SYNE1: variants seen among roughly 807,000 people sequenced by gnomAD.
The protein encoded by SYNE1 is spectrin repeat containing nuclear envelope protein 1, also known as nesprin-1.
SYNE1 carries 616 observed loss-of-function variants against 1,111.0 expected under a neutral mutation model. That is an observed-to-expected ratio of 0.55 (90% CI 0.52 to 0.59). The LOEUF is 0.59. Ranked by LOEUF, SYNE1 falls within the 20% of genes least tolerant of loss-of-function variation. SYNE1 has a pLI of 0.00. For missense variants in SYNE1, 10,006 were observed against 10,417.0 expected (o/e 0.96, Z 1.72); for synonymous variants, 3,855 against 3,825.8 (o/e 1.01, Z -0.28).
In SYNE1 at chr6:152,398,737, G is replaced by T; in HGVS notation, c.7238-6C>A. ...TTGGAATTCCTGCATAGACTCTTTT[G>T]AAAGAAAAAATAAATAAATAAAAAT... On this transcript the variant is annotated splice_polypyrimidine_tract_variant and splice_region_variant and intron_variant, in intron 48 of 145. Transcript: ENST00000367255. The T allele has an allele frequency of 6.2e-7, 1 of 1,603,888 alleles. No homozygotes were observed. The highest frequency in any genetic ancestry group is 1.1e-5 in the South Asian group (1 of 89,360).
chr6:152,411,075 A>C (rs992300984), intron 42 of SYNE1, among the ~76,000 whole-genome samples: 29 of 152,242 alleles, frequency 1.9e-4, no homozygotes, highest in African/African-American at 6.8e-4. Flanking sequence ...ATTTTGTTTA[A>C]TAGGTCTTTG....
chr6:152,511,631 T>A lies in SYNE1; in HGVS notation c.310-528A>T, dbSNP rs1369252621. On this transcript the variant is annotated intron_variant, in intron 6 of 145. Transcript: ENST00000367255. ...AAAGGGAGAAGATAATAGATATACA[T>A]AAATCATCTTTCAAAATCAGCATTA... is the stretch of plus-strand genomic sequence containing the variant. The A allele has an allele frequency of 1.9e-6, 3 of 1,592,796 alleles. No homozygotes were observed. In the African/African-American group the frequency reaches 4.0e-5, roughly 21 times the overall value.
At chr6:152,482,193 C>T (rs190379380) in intron 14 of SYNE1, among the ~76,000 whole-genome samples, 2 of 152,218 alleles carry the variant, frequency 1.3e-5, no homozygotes, top group East Asian at 1.9e-4. Flanking sequence ...CATCACATCT[C>T]TGTGTCTCTG....
In SYNE1 at chr6:152,425,538, T is replaced by G; in HGVS notation, c.5110A>C (p.Asn1704His). 6.2e-7 allele frequency: 1 copy of G among 1,614,150 alleles called. No individual in the cohort carries two copies. The highest frequency in any genetic ancestry group is 8.5e-7 in the Non-Finnish European group (1 of 1,180,016). Residue 1704 changes from asparagine (N) to histidine (H), a missense_variant, in exon 39 of 146, where the codon AAT (asparagine) becomes CAT (histidine). Asn to His is a moderately conservative substitution (Grantham distance 68, BLOSUM62 1). Coordinates refer to ENST00000367255, the MANE Select transcript of SYNE1 (RefSeq NM_182961.4). ...GELQLIQALQ[N>H]EVVSQASFYS... is the part of the protein sequence containing the mutation. ...AATGAGGCCTGGGATACAACTTCAT[T>G]TTGCAGTGCCTGAAAAATACAAGAC...
At chr6:152,291,270 G>T (rs148872992) in intron 95 of SYNE1, among the ~76,000 whole-genome samples, 9 of 136,172 alleles carry the variant, frequency 6.6e-5, no homozygotes, top group Non-Finnish European at 1.2e-4. Flanking sequence ...ATTAATATAT[G>T]CAATTATATT....
chr6:152,301,991 T>C lies in SYNE1; in HGVS notation c.17419A>G (p.Met5807Val), dbSNP rs763218931. Residue 5807 changes from methionine to valine, a missense_variant, in exon 92 of 146, where the codon ATG becomes GTG. Physicochemically the swap from Met to Val is conservative, Grantham distance 21. Around this residue, in one of 7 missense-constraint regions of SYNE1, gnomAD observed 4,955 missense variants for 5,017.2 expected, o/e 0.99. Transcript: ENST00000367255. ...SLNSKCKMLT[M>V]KAKHATMLLT... ...AGCATGGTGGCGTGCTTGGCTTTCA[T>C]CGTCAGCATCTTGCACTTGGAATTC... 23 of 1,614,256 alleles carry C rather than the reference T, an allele frequency of 1.4e-5. No individual in the cohort carries two copies. In the South Asian group the frequency reaches 2.4e-4, roughly 17 times the overall value.
intron 95 of SYNE1, among the ~76,000 whole-genome samples, chr6:152,287,232 C>G (rs182763760): frequency 5.3e-5 from 8 of 152,016 alleles, no homozygotes. Context: ...ACCACATAAA[C>G]TTAATTTTCA....
intron 98 of SYNE1, among the ~76,000 whole-genome samples, chr6:152,275,864 G>A (rs1317698009): frequency 6.8e-6 from 1 of 146,512 alleles, no homozygotes; most frequent in African/African-American, 2.5e-5. Flanking sequence ...CTGGGTGACA[G>A]AGCAAGACCC....
At chr6:152,588,806 AC>A (rs1372526877) in intron 3 of SYNE1, among the ~76,000 whole-genome samples, 1 of 152,160 alleles carries the variant, frequency 6.6e-6, no homozygotes, top group East Asian at 1.9e-4. Flanking sequence ...TGGTAGGGAC[AC>A]CCTGCAAAGG....
intron 4 of SYNE1, among the ~76,000 whole-genome samples, chr6:152,529,528 G>A (rs182669292): frequency 3.0e-4 from 45 of 152,328 alleles, no homozygotes; most frequent in African/African-American, 9.4e-4. Flanking sequence ...TAGTCAGTGT[G>A]TTGGGGGCTC....
chr6:152,123,893 TTTCTG>T (rs2052363662), intron 145 of SYNE1, among the ~76,000 whole-genome samples: 1 of 152,210 alleles, frequency 6.6e-6, no homozygotes, highest in African/African-American at 2.4e-5. Context: ...TACCTATTAA[TTTCTG>T]AAGACAGACT....
At chr6:152,311,254 TA>T (rs1562969156) in intron 87 of SYNE1, 3 of 252,460 alleles carry the variant, frequency 1.2e-5, no homozygotes, top group Non-Finnish European at 2.3e-5. Context: ...ATATTTAAAC[TA>T]AAGAATCACT....
chr6:152,231,602 T>A lies in SYNE1; in HGVS notation c.20863-35A>T. 6 of 1,602,300 alleles carry A rather than the reference T, an allele frequency of 3.7e-6. No individual in the cohort carries two copies. The South Asian group carries it at 5.5e-5, about 15-fold the overall frequency. ...AAGAGGAGAAAATAAGATTATACAA[T>A]AAATGTCTCATTAGTTTTCCAGGAG... is the stretch of plus-strand genomic sequence containing the variant. On this transcript the variant is annotated intron_variant, in intron 113 of 145. Coordinates refer to ENST00000367255, the MANE Select transcript of SYNE1 (RefSeq NM_182961.4).
At chr6:152,551,925 G>A (rs78268973) in intron 3 of SYNE1, among the ~76,000 whole-genome samples, 41 of 152,246 alleles carry the variant, frequency 2.7e-4, no homozygotes, top group East Asian at 1.7e-3. Context: ...AAAATGTGGC[G>A]TCTCCTGCTT....
At chr6:152,406,459 C>T (rs1468976278) in intron 45 of SYNE1, among the ~76,000 whole-genome samples, 1 of 148,708 alleles carries the variant, frequency 6.7e-6, no homozygotes, top group Non-Finnish European at 1.5e-5. Flanking sequence ...TTTAAAGAGC[C>T]CTAAATAAGC....
At chr6:152,511,125 T>C (rs1347704800) in intron 6 of SYNE1, 22 bp from the exon 7 acceptor site, 8 of 1,580,802 alleles carry the variant, frequency 5.1e-6, no homozygotes, top group Non-Finnish European at 7.0e-6. Flanking sequence ...AGAGAAACTG[T>C]ACTAGTAATG....
At chr6:152,171,801 T>C (rs2065275617) in intron 130 of SYNE1, among the ~76,000 whole-genome samples, 1 of 152,156 alleles carries the variant, frequency 6.6e-6, no homozygotes. Flanking sequence ...ACTGCCATGG[T>C]TTTCTATTTA....
At position 152,473,908 on chromosome 6, in the gene SYNE1, G is replaced by A. The variant is rs78165509; in HGVS notation, c.1351-1495C>T. 9.2e-4 allele frequency among the ~76,000 whole-genome samples: 140 copies of A among 152,226 alleles called. 4 individuals are homozygous for A. The East Asian group carries it at 0.024, about 26-fold the overall frequency. ...ATATGATAAAAGAAATTCTTAGGCC[G>A]GGTGTGGTGGCTCATGTCTGTAATC... On this transcript the variant is annotated intron_variant, in intron 14 of 145. Coordinates refer to ENST00000367255, the MANE Select transcript of SYNE1 (RefSeq NM_182961.4).
At chr6:152,450,365 A>G (rs1423373846) in intron 27 of SYNE1, among the ~76,000 whole-genome samples, 1 of 152,186 alleles carries the variant, frequency 6.6e-6, no homozygotes, top group African/African-American at 2.4e-5. Flanking sequence ...TAGCAAAGTG[A>G]GAAAGGACTA....
Sources: gnomAD v4.1 joint callset for allele counts (sites outside exome capture counted in the v4.1 genomes callset) on GRCh38, gnomAD v4.1.1 for gene constraint, gnomAD v4.1.1 regional missense constraint, MANE v1.5 for transcripts, NCBI Gene and HGNC (gene_info 2026-07-23, HGNC 2026-07-21) for gene names.